Variants in ARMH3 observed in about 807,000 individuals in gnomAD.
ARMH3 encodes armadillo like helical domain containing 3.
ARMH3 carries 60 observed loss-of-function variants against 99.1 expected under a neutral mutation model. The ratio of observed to expected loss-of-function variants is 0.61; its 90% CI spans 0.49 to 0.75. ARMH3 has a LOEUF of 0.75. Among genes scored for constraint, ARMH3 ranks in the 30% least tolerant of loss-of-function variants. The pLI is 0.00. For missense variants in ARMH3, 679 were observed against 843.1 expected (o/e 0.81, Z 2.41); for synonymous variants, 285 against 292.8 (o/e 0.97, Z 0.27).
intron 23 of ARMH3, among the ~76,000 whole-genome samples, chr10:101,908,384 C>A (rs1399813096): frequency 6.6e-6 from 1 of 152,172 alleles, no homozygotes; most frequent in African/African-American, 2.4e-5. Context: ...ACGTGAGTTA[C>A]AGCATGGTTT....
At chr10:102,009,498 T>C in intron 12 of ARMH3, 49 bp from the exon 13 acceptor site, 1 of 1,420,662 alleles carries the variant, frequency 7.0e-7, no homozygotes, top group Non-Finnish European at 9.9e-7. Flanking sequence ...TGGGGGGAGT[T>C]AAAACAGTAT....
intron 4 of ARMH3, 191 bp downstream of exon 4, chr10:102,032,835 T>G: frequency 1.8e-6 from 1 of 566,516 alleles, no homozygotes; most frequent in Non-Finnish European, 3.0e-6. Context: ...ATGGATACGA[T>G]TACTCCTAAG....
intron 11 of ARMH3, among the ~76,000 whole-genome samples, chr10:102,010,641 C>A (rs1276907471): frequency 6.6e-6 from 1 of 152,324 alleles, no homozygotes; most frequent in Middle Eastern, 3.4e-3. Context: ...CCTACACCCA[C>A]TAAAAAATAC....
intron 24 of ARMH3, among the ~76,000 whole-genome samples, chr10:101,866,111 C>T (rs1413433690): frequency 6.6e-6 from 1 of 151,616 alleles, no homozygotes; most frequent in Non-Finnish European, 1.5e-5. Context: ...ATCTCAGCTA[C>T]TTGGGAGGCT....
chr10:101,896,931 T>C (rs2067852488), intron 23 of ARMH3, among the ~76,000 whole-genome samples: 1 of 152,190 alleles, frequency 6.6e-6, no homozygotes, highest in Non-Finnish European at 1.5e-5. Context: ...CTCATGGTAA[T>C]ATGTATGATA....
intron 20 of ARMH3, among the ~76,000 whole-genome samples, chr10:101,966,491 C>T (rs1845550887): frequency 6.6e-6 from 1 of 151,758 alleles, no homozygotes; most frequent in Non-Finnish European, 1.5e-5. Context: ...TGGTCTCGAA[C>T]TCCTGACTTC....
chr10:101,881,497 G>A (rs1214754667), intron 24 of ARMH3, among the ~76,000 whole-genome samples: 1 of 152,160 alleles, frequency 6.6e-6, no homozygotes, highest in Non-Finnish European at 1.5e-5. Context: ...ATATTGTTAA[G>A]TGTACTATAC....
chr10:101,983,350 C>T (rs1444192112), intron 19 of ARMH3, among the ~76,000 whole-genome samples: 2 of 152,160 alleles, frequency 1.3e-5, no homozygotes, highest in Non-Finnish European at 2.9e-5. Context: ...GGTGCAATCA[C>T]GGCTCACCGC....
intron 24 of ARMH3, among the ~76,000 whole-genome samples, chr10:101,856,124 A>G (rs998266715): frequency 1.3e-5 from 2 of 152,130 alleles, no homozygotes; most frequent in East Asian, 3.8e-4. Context: ...CTAAGAAAGT[A>G]ACCTGGTGAA....
At chr10:102,024,707 T>A (rs866815432) in intron 6 of ARMH3, among the ~76,000 whole-genome samples, 3 of 150,860 alleles carry the variant, frequency 2.0e-5, no homozygotes. Flanking sequence ...TAATCCCAGC[T>A]ACTTGGGAGG....
intron 23 of ARMH3, among the ~76,000 whole-genome samples, chr10:101,926,747 T>C (rs1016991804): frequency 3.3e-5 from 5 of 152,188 alleles, no homozygotes; most frequent in Non-Finnish European, 7.4e-5. Context: ...AAGAGTTCCT[T>C]TGGGGAAAAA....
At position 101,902,938 on chromosome 10, in the gene ARMH3, C is replaced by T. The variant is rs374975282; in HGVS notation, c.1782-13448G>A. ...CCAGAGTAAGAAAATGAAGCCCATGCGGAGGGTGAGGCGGTTGGCTCTGGC... is the reference window on the plus strand; with the variant it reads ...CCAGAGTAAGAAAATGAAGCCCATGTGGAGGGTGAGGCGGTTGGCTCTGGC... On this transcript the variant is annotated intron_variant, in intron 23 of 25. Transcript: ENST00000370033. 1.7e-3 allele frequency among the ~76,000 whole-genome samples: 262 copies of T among 152,136 alleles called. 4 individuals are homozygous for T. In the South Asian group the frequency reaches 0.05, roughly 29 times the overall value.
intron 24 of ARMH3, among the ~76,000 whole-genome samples, chr10:101,885,557 A>G (rs1162408715): frequency 3.3e-5 from 5 of 152,240 alleles, no homozygotes; most frequent in Admixed American, 6.5e-5. Flanking sequence ...TGATTCCATT[A>G]AAGTACCTAG....
intron 22 of ARMH3, among the ~76,000 whole-genome samples, chr10:101,956,164 T>C (rs1845026830): frequency 6.6e-6 from 1 of 152,196 alleles, no homozygotes. Context: ...TTTTATCTAA[T>C]GCCCACTTCC....
At chr10:101,966,083 T>G (rs545679204) in intron 20 of ARMH3, among the ~76,000 whole-genome samples, 1 of 151,358 alleles carries the variant, frequency 6.6e-6, no homozygotes. Context: ...ACAATCTAAT[T>G]TTTTTTTCTT....
At position 101,956,672 on chromosome 10, in the gene ARMH3, T is replaced by C. The variant is rs1845053887; in HGVS notation, c.1630A>G (p.Thr544Ala). The stretch of plus-strand genomic sequence containing the variant: ...TAAAGTTCATCATAGCTGCTGGGGG[T>C]TGGCAGAAATGTGTCGCCATATGTG... ...FITYGDTFLPTPSSYDELYYE... is the reference protein window; with the variant it reads ...FITYGDTFLPAPSSYDELYYE... The change falls in exon 22 of 26, where the codon ACC (threonine) becomes GCC (alanine). Residue 544 changes from threonine to alanine, a missense_variant. Transcript: ENST00000370033. The C allele has an allele frequency of 6.2e-7, 1 of 1,613,616 alleles. No homozygotes were observed. Among genetic ancestry groups the C allele is most frequent in the African/African-American group, 1.3e-5 (1 of 74,884 alleles).
intron 23 of ARMH3, among the ~76,000 whole-genome samples, chr10:101,896,920 A>C (rs779893625): frequency 6.6e-6 from 1 of 152,180 alleles, no homozygotes; most frequent in African/African-American, 2.4e-5. Context: ...GAAGAGTCCA[A>C]CTCATGGTAA....
chr10:101,865,375 C>A (rs567408524), intron 24 of ARMH3, among the ~76,000 whole-genome samples: 4 of 152,108 alleles, frequency 2.6e-5, no homozygotes, highest in Non-Finnish European at 5.9e-5. Context: ...AACTCATGCA[C>A]ACAAACACCA....
chr10:101,883,458 C>T (rs958891864), intron 24 of ARMH3, among the ~76,000 whole-genome samples: 1 of 151,930 alleles, frequency 6.6e-6, no homozygotes, highest in Admixed American at 6.6e-5. Flanking sequence ...GAGGGAGTAT[C>T]TAAGAGTGTC....
Sources: gnomAD v4.1 joint callset for allele counts (sites outside exome capture counted in the v4.1 genomes callset) on GRCh38, gnomAD v4.1.1 for gene constraint, MANE v1.5 for transcripts, NCBI Gene and HGNC (gene_info 2026-07-23, HGNC 2026-07-21) for gene names.